Variants in PBX1 observed in about 807,000 individuals in gnomAD.
The protein encoded by PBX1 is PBX homeobox 1, also known as pre-B-cell leukemia transcription factor 1.
PBX1 carries 6 observed loss-of-function variants against 53.4 expected under a neutral mutation model. The observed-to-expected ratio is 0.11, with a 90% CI of 0.06 to 0.22. The LOEUF is 0.22. PBX1 is among the 10% of genes least tolerant of loss of function. PBX1 has a pLI of 1.00. For missense variants in PBX1, 251 were observed against 551.4 expected, an observed-to-expected ratio of 0.46 and a Z score of 5.46; for synonymous variants, 204 against 212.3, an observed-to-expected ratio of 0.96 and a Z score of 0.34.
intron 2 of PBX1, among the ~76,000 whole-genome samples, chr1:164,637,871 A>G (rs773579282): frequency 1.3e-5 from 2 of 152,094 alleles, no homozygotes; most frequent in Non-Finnish European, 2.9e-5. Flanking sequence ...AAGCTTGCTG[A>G]CTCAAGCTTC....
In PBX1 at chr1:164,849,379, C is replaced by T. The variant is rs1218784334; in HGVS notation, c.*2703C>T. On this transcript the variant is annotated 3_prime_UTR_variant, in exon 9 of 9. Transcript: ENST00000420696. ...CCCCCGGCAAGCCCACTATCACTTC[C>T]GACTTCCAACGTGGCATCCGTGAGA... 6 of 1,535,570 alleles carry T rather than the reference C, an allele frequency of 3.9e-6. No individual in the cohort carries two copies. The highest frequency in any genetic ancestry group is 1.4e-5 in the African/African-American group (1 of 73,034).
chr1:164,835,927 A>G (rs965125840), intron 8 of PBX1, among the ~76,000 whole-genome samples: 1 of 152,200 alleles, frequency 6.6e-6, no homozygotes, highest in Non-Finnish European at 1.5e-5. Context: ...GATCTATGAA[A>G]AATCTCAGGT....
At chr1:164,870,737 A>G (rs1426325830) in intron 2 of PBX1, among the ~76,000 whole-genome samples, 1 of 152,206 alleles carries the variant, frequency 6.6e-6, no homozygotes, top group East Asian at 1.9e-4. Context: ...TATTCTAGCC[A>G]AACAAATCTA....
chr1:164,675,385 A>G (rs573240701), intron 2 of PBX1, among the ~76,000 whole-genome samples: 38 of 152,146 alleles, frequency 2.5e-4, no homozygotes, highest in East Asian at 9.7e-4. Context: ...CTTACTTTCA[A>G]TGGCAAAAAC....
At chr1:164,780,576 G>A (rs574285224) in intron 2 of PBX1, among the ~76,000 whole-genome samples, 22 of 152,218 alleles carry the variant, frequency 1.4e-4, no homozygotes, top group Middle Eastern at 3.4e-3. Flanking sequence ...ACGTCTGGGA[G>A]AACAGAGCCA....
At chr1:164,730,885 G>A (rs544751665) in intron 2 of PBX1, among the ~76,000 whole-genome samples, 26 of 152,234 alleles carry the variant, frequency 1.7e-4, no homozygotes, top group Middle Eastern at 3.4e-3. Flanking sequence ...GTAGATGGTG[G>A]CATTTTGGGT....
intron 2 of PBX1, among the ~76,000 whole-genome samples, chr1:164,610,931 T>C (rs577126659): frequency 6.6e-6 from 1 of 152,372 alleles, no homozygotes; most frequent in Non-Finnish European, 1.5e-5. Context: ...GTCTTGCTTT[T>C]TATTTTCTGA....
intron 2 of PBX1, among the ~76,000 whole-genome samples, chr1:164,585,177 A>G (rs1031513394): frequency 1.3e-5 from 2 of 152,152 alleles, no homozygotes; most frequent in African/African-American, 4.8e-5. Context: ...ACCCCTTCCA[A>G]TGTGAGTATG....
intron 2 of PBX1, chr1:164,684,173 G>T (rs1661958726): frequency 6.6e-6 from 1 of 152,094 alleles, no homozygotes; most frequent in Non-Finnish European, 1.5e-5. Flanking sequence ...TAACAGCTAT[G>T]CTTACCTTTA....
intron 4 of PBX1, 92 bp from the exon 5 acceptor site, chr1:164,807,450 T>C: frequency 6.8e-7 from 1 of 1,479,472 alleles, no homozygotes; most frequent in South Asian, 1.4e-5. Context: ...TGCTCAAAAA[T>C]TTGTCTTCTC....
chr1:164,638,027 A>AG (rs1331346077), intron 2 of PBX1, among the ~76,000 whole-genome samples: 1 of 152,162 alleles, frequency 6.6e-6, no homozygotes, highest in Non-Finnish European at 1.5e-5. Flanking sequence ...TGGAATATTG[A>AG]GGGGGTCTAT....
chr1:164,642,027 T>C (rs928389984), intron 2 of PBX1: 4 of 152,190 alleles, frequency 2.6e-5, no homozygotes, highest in African/African-American at 4.8e-5. Context: ...TTGTGTTTTG[T>C]TTTTTCTTTC....
At chr1:164,736,259 C>CG (rs1295956016) in intron 2 of PBX1, among the ~76,000 whole-genome samples, 2 of 152,030 alleles carry the variant, frequency 1.3e-5, no homozygotes, top group Admixed American at 6.6e-5. Context: ...GAAATAGCTG[C>CG]GGGGGAGGCA....
intron 2 of PBX1, among the ~76,000 whole-genome samples, chr1:164,867,226 G>A (rs959323406): frequency 6.6e-6 from 1 of 152,132 alleles, no homozygotes; most frequent in African/African-American, 2.4e-5. Context: ...AGTAGAGCGG[G>A]AATCTCTGGG....
intron 2 of PBX1, chr1:164,640,889 A>G (rs1659102531): frequency 6.6e-6 from 1 of 152,278 alleles, no homozygotes; most frequent in African/African-American, 2.4e-5. Flanking sequence ...ACACAGGCAC[A>G]GTATTCTGGG....
chr1:164,800,338 A>G (rs990123019), intron 4 of PBX1, among the ~76,000 whole-genome samples: 10 of 152,164 alleles, frequency 6.6e-5, no homozygotes, highest in African/African-American at 2.4e-4. Flanking sequence ...AAATATTCCT[A>G]AGTAAATTGC....
chr1:164,562,740 C>T (rs1430373921), intron 1 of PBX1: 1 of 152,226 alleles, frequency 6.6e-6, no homozygotes, highest in Non-Finnish European at 1.5e-5. Flanking sequence ...CTCAGAAGAC[C>T]TTTCAAGCAT....
intron 2 of PBX1, among the ~76,000 whole-genome samples, chr1:164,640,284 C>T (rs1052671386): frequency 6.6e-6 from 1 of 152,088 alleles, no homozygotes; most frequent in African/African-American, 2.4e-5. Flanking sequence ...TGGGGGAAGG[C>T]CTTGGGTTCT....
At position 164,559,716 on chromosome 1, in the gene PBX1, G is replaced by T; in HGVS notation, c.-107G>T. 1.3e-6 allele frequency: 1 copy of T among 756,884 alleles called. No homozygotes were observed. Among genetic ancestry groups the T allele is most frequent in the South Asian group, 2.7e-5 (1 of 37,356 alleles). 46.9% of individuals were successfully genotyped at this position (756,884 alleles called of 1,614,324 possible). ...TTTTTCCCCCTTCCCTGTTTATCCT[G>T]AAAAGGATTTGAAGACAAGCTTGAA... On this transcript the variant is annotated 5_prime_UTR_variant, in exon 1 of 9. Transcript: ENST00000420696.
Sources: allele counts gnomAD v4.1 joint callset (sites outside exome capture counted in the v4.1 genomes callset), GRCh38; gene constraint gnomAD v4.1.1; transcripts MANE v1.5; gene names NCBI Gene and HGNC (gene_info 2026-07-23, HGNC 2026-07-21).